KLF7: variants seen among roughly 807,000 people sequenced by gnomAD.
KLF7 encodes KLF transcription factor 7, also known as Krueppel-like factor 7.
Under a neutral mutation model 27.3 loss-of-function variants are expected in KLF7, and 2 were observed. That is an observed-to-expected ratio of 0.07 (90% CI 0.03 to 0.23). KLF7 has a LOEUF of 0.23. Ranked by LOEUF, KLF7 falls within the 10% of genes least tolerant of loss-of-function variation. The probability of loss-of-function intolerance (pLI) is 1.00; values close to 1 mark genes in which losing one functional copy is unlikely to be tolerated. For missense variants in KLF7, 221 were observed against 394.1 expected (o/e 0.56, Z 3.72); for synonymous variants, 165 against 162.4 (o/e 1.02, Z -0.12).
At chr2:207,103,417 A>G (rs149883796) in intron 2 of KLF7, among the ~76,000 whole-genome samples, 1 of 152,328 alleles carries the variant, frequency 6.6e-6, no homozygotes, top group African/African-American at 2.4e-5. Context: ...GGCTTCTGAC[A>G]GTTCTCAGTG....
upstream of KLF7, chr2:207,166,806 G>A (rs1051385363): frequency 5.0e-6 from 5 of 1,004,880 alleles, no homozygotes; most frequent in Admixed American, 5.9e-5. Context: ...AACTCCCCAC[G>A]GGCTGCCAGG....
intron 2 of KLF7, among the ~76,000 whole-genome samples, chr2:207,093,781 G>C (rs546241432): frequency 1.3e-5 from 2 of 152,340 alleles, no homozygotes; most frequent in South Asian, 4.1e-4. Context: ...TAGAGGGGCA[G>C]AACAGCCTGT....
intron 1 of KLF7, among the ~76,000 whole-genome samples, chr2:207,156,998 A>G (rs1231668564): frequency 6.6e-6 from 1 of 152,160 alleles, no homozygotes; most frequent in Non-Finnish European, 1.5e-5. Context: ...TACTGATTTT[A>G]TTGGTCTGGG....
chr2:207,074,805 A>G lies in KLF7; in HGVS notation c.*6408T>C, dbSNP rs933909684. 4 of 152,154 alleles carry G rather than the reference A, an allele frequency of 2.6e-5. No homozygotes were observed. Among genetic ancestry groups the G allele is most frequent in the Non-Finnish European group, 4.4e-5 (3 of 68,028 alleles). The allele number at this position is 152,154 out of a possible 1,614,324, so 9.4% of individuals were successfully genotyped here. On this transcript the variant is annotated 3_prime_UTR_variant, in exon 4 of 4. Coordinates refer to ENST00000309446, the MANE Select transcript of KLF7 (RefSeq NM_003709.4). ...AACATCTTGTAATCTCTATCATTCT[A>G]AAATATTGCTTTTCATAATCTCCAA...
chr2:207,151,623 C>G (rs1361438403), intron 1 of KLF7, among the ~76,000 whole-genome samples: 1 of 151,894 alleles, frequency 6.6e-6, no homozygotes, highest in Non-Finnish European at 1.5e-5. Context: ...TCTGCCTTTC[C>G]CTTTCTTTTT....
At chr2:207,164,703 G>A (rs755443386) in intron 1 of KLF7, among the ~76,000 whole-genome samples, 7 of 152,140 alleles carry the variant, frequency 4.6e-5, no homozygotes, top group Non-Finnish European at 8.8e-5. Flanking sequence ...CAAAGTCAAA[G>A]GCATGGAAGC....
intron 1 of KLF7, among the ~76,000 whole-genome samples, chr2:207,151,452 G>T (rs374853182): frequency 2.5e-4 from 38 of 152,154 alleles, no homozygotes; most frequent in African/African-American, 8.4e-4. Flanking sequence ...TGGTATTTGT[G>T]AAGTCCTAGT....
At chr2:207,142,600 CAG>C (rs1180662911) in intron 1 of KLF7, among the ~76,000 whole-genome samples, 1 of 152,208 alleles carries the variant, frequency 6.6e-6, no homozygotes, top group East Asian at 1.9e-4. Context: ...ACTCTCCCTG[CAG>C]AGGTCAGTGA....
In KLF7 at chr2:207,093,709, G is replaced by A. The variant is rs540046215; in HGVS notation, c.734-5128C>T. 6.6e-5 allele frequency among the ~76,000 whole-genome samples: 10 copies of A among 152,254 alleles called. No homozygotes were observed. In the South Asian group the frequency reaches 8.3e-4, roughly 13 times the overall value. On this transcript the variant is annotated intron_variant, in intron 2 of 3. Transcript: ENST00000309446. Reference sequence around the variant, plus strand: ...CTAAAGCAGTGCTTGGCTCAATCCCGTCCGATACATTAGGTGAATTTAACA... The same window carrying A: ...CTAAAGCAGTGCTTGGCTCAATCCCATCCGATACATTAGGTGAATTTAACA...
chr2:207,171,500 G>A (rs374619374), upstream of KLF7, among the ~76,000 whole-genome samples: 16 of 152,302 alleles, frequency 1.1e-4, no homozygotes, highest in African/African-American at 3.8e-4. Context: ...GCATGCTACA[G>A]AGAAACCTGT....
intron 2 of KLF7, among the ~76,000 whole-genome samples, chr2:207,114,263 C>G (rs755518820): frequency 1.2e-4 from 18 of 152,088 alleles, no homozygotes; most frequent in Non-Finnish European, 1.5e-4. Flanking sequence ...TTTTAAAATA[C>G]CAATACTAGT....
At position 207,080,780 on chromosome 2, in the gene KLF7, C is replaced by A; in HGVS notation, c.*433G>T. 1 of 401,258 alleles carries A rather than the reference C, an allele frequency of 2.5e-6. No homozygotes were observed. The highest frequency in any genetic ancestry group is 1.3e-4 in the South Asian group (1 of 7,982). 24.9% of individuals were successfully genotyped at this position (401,258 alleles called of 1,614,324 possible). On this transcript the variant is annotated 3_prime_UTR_variant, in exon 4 of 4. Transcript: ENST00000309446. ...ATGCAACTTTAAGATGCTGGATTCT[C>A]CTATCAAGTTGCACTGAGAAGCAAG...
chr2:207,122,590 G>A (rs528648122), intron 2 of KLF7, among the ~76,000 whole-genome samples: 1 of 152,266 alleles, frequency 6.6e-6, no homozygotes, highest in African/African-American at 2.4e-5. Context: ...AAAGGAACAG[G>A]CTCAAGGTCA....
chr2:207,110,846 T>G (rs1199733944), intron 2 of KLF7, among the ~76,000 whole-genome samples: 1 of 152,154 alleles, frequency 6.6e-6, no homozygotes, highest in Non-Finnish European at 1.5e-5. Flanking sequence ...TTAAAAGGAT[T>G]AGGAAACGTT....
intron 2 of KLF7, among the ~76,000 whole-genome samples, chr2:207,109,050 G>A (rs1424586684): frequency 6.6e-6 from 1 of 152,100 alleles, no homozygotes; most frequent in African/African-American, 2.4e-5. Flanking sequence ...TCTTTCAAGG[G>A]GTTCAGAGAA....
rs776302492 is a variant in KLF7 at position 207,123,795 on chromosome 2, C to T, written c.712G>A (p.Ala238Thr). The change falls in exon 2 of 4, where the codon GCC becomes ACC. Residue 238 changes from alanine to threonine, a missense_variant. Physicochemically the swap from Ala to Thr is moderately conservative, Grantham distance 58 (BLOSUM62 0). Around this residue, in one of 3 missense-constraint regions of KLF7, gnomAD observed 30 missense variants for 115.4 expected, o/e 0.26. Coordinates refer to ENST00000309446, the MANE Select transcript of KLF7 (RefSeq NM_003709.4). ...KVYTKSSHLK[A>T]HQRTHTGEKP... ...CTACCTGTGTGAGTCCTCTGGTGGGCCTTTAAGTGGGAGCTTTTTGTATAA... is the reference window on the plus strand; with the variant it reads ...CTACCTGTGTGAGTCCTCTGGTGGGTCTTTAAGTGGGAGCTTTTTGTATAA... The T allele has an allele frequency of 1.2e-6, 2 of 1,613,696 alleles. No homozygotes were observed. The highest frequency in any genetic ancestry group is 1.7e-6 in the Non-Finnish European group (2 of 1,179,760).
intron 1 of KLF7, among the ~76,000 whole-genome samples, chr2:207,155,925 C>A (rs771862727): frequency 1.3e-5 from 2 of 152,186 alleles, no homozygotes; most frequent in Non-Finnish European, 2.9e-5. Flanking sequence ...AAAATAAGCA[C>A]CAATGTTATG....
chr2:207,106,227 C>A (rs1260769235), intron 2 of KLF7, among the ~76,000 whole-genome samples: 2 of 152,158 alleles, frequency 1.3e-5, no homozygotes, highest in Non-Finnish European at 2.9e-5. Context: ...GGGGGCATAA[C>A]ATGATCAGAA....
intron 1 of KLF7, among the ~76,000 whole-genome samples, chr2:207,133,844 T>C (rs2077705618): frequency 6.6e-6 from 1 of 151,858 alleles, no homozygotes; most frequent in South Asian, 2.1e-4. Context: ...ATCTCATTCC[T>C]CCCCCCAGTG....
Sources: gnomAD v4.1 joint callset for allele counts (sites outside exome capture counted in the v4.1 genomes callset) on GRCh38, gnomAD v4.1.1 for gene constraint, gnomAD v4.1.1 regional missense constraint, MANE v1.5 for transcripts, NCBI Gene and HGNC (gene_info 2026-07-23, HGNC 2026-07-21) for gene names.